Variants in NR3C2 observed in about 807,000 individuals in gnomAD.
NR3C2 encodes nuclear receptor subfamily 3 group C member 2.
Under a neutral mutation model 86.4 loss-of-function variants are expected in NR3C2, and 15 were observed. The observed-to-expected ratio is 0.17, with a 90% CI of 0.12 to 0.27. The LOEUF (loss-of-function observed/expected upper bound fraction) is 0.27, where lower values mean the gene tolerates loss of function less well. Among genes scored for constraint, NR3C2 ranks in the 10% least tolerant of loss-of-function variants. The pLI is 1.00. For missense variants in NR3C2, 960 were observed against 1,195.6 expected, an observed-to-expected ratio of 0.80 and a Z score of 2.91; for synonymous variants, 458 against 450.5, an observed-to-expected ratio of 1.02 and a Z score of -0.21.
intron 6 of NR3C2, among the ~76,000 whole-genome samples, chr4:148,136,077 CAAAAAAA>C (rs1213471911): frequency 1.0e-4 from 3 of 28,920 alleles, no homozygotes; most frequent in South Asian, 2.7e-3. Flanking sequence ...AAAAAAAAAA[CAAAAAAA>C]AAAAACACCA....
At chr4:148,313,722 T>C (rs895436466) in intron 2 of NR3C2, among the ~76,000 whole-genome samples, 9 of 152,200 alleles carry the variant, frequency 5.9e-5, no homozygotes, top group Admixed American at 2.0e-4. Context: ...CTTTATTTGC[T>C]TAGAAGTTTG....
At chr4:148,152,276 C>G (rs61757903) in intron 6 of NR3C2, 193 bp downstream of exon 6, 222 of 565,638 alleles carry the variant, frequency 3.9e-4, no homozygotes, top group African/African-American at 3.9e-3. Context: ...TTTATATACA[C>G]TCAGAAGCAT....
chr4:148,423,254 T>C (rs1369666283), intron 2 of NR3C2, among the ~76,000 whole-genome samples: 1 of 152,086 alleles, frequency 6.6e-6, no homozygotes, highest in African/African-American at 2.4e-5. Flanking sequence ...TAATGTGCTA[T>C]ATTAACAGTG....
At chr4:148,229,924 G>A (rs1738374664) in intron 3 of NR3C2, among the ~76,000 whole-genome samples, 1 of 152,012 alleles carries the variant, frequency 6.6e-6, no homozygotes, top group Non-Finnish European at 1.5e-5. Context: ...TATGTCCAGG[G>A]TGCTAACTCC....
At chr4:148,155,809 T>C (rs1258428101) in intron 4 of NR3C2, among the ~76,000 whole-genome samples, 6 of 152,036 alleles carry the variant, frequency 3.9e-5, no homozygotes, top group Admixed American at 3.9e-4. Flanking sequence ...GCCAAGTCAA[T>C]CCTAAGCCAA....
At chr4:148,104,349 T>G (rs1330886449) in intron 8 of NR3C2, among the ~76,000 whole-genome samples, 4 of 147,150 alleles carry the variant, frequency 2.7e-5, no homozygotes, top group Admixed American at 2.0e-4. Flanking sequence ...TTGGTTTTTT[T>G]TTTTTTTTTT....
chr4:148,247,954 A>T (rs1285245321), intron 3 of NR3C2, among the ~76,000 whole-genome samples: 2 of 152,194 alleles, frequency 1.3e-5, no homozygotes, highest in African/African-American at 4.8e-5. Flanking sequence ...CGGTTACATT[A>T]GGCAAAGGTC....
intron 2 of NR3C2, among the ~76,000 whole-genome samples, chr4:148,267,586 T>C (rs1258040299): frequency 1.3e-5 from 2 of 152,246 alleles, no homozygotes; most frequent in African/African-American, 4.8e-5. Flanking sequence ...CCATATTGTT[T>C]ACTGTATACA....
intron 6 of NR3C2, among the ~76,000 whole-genome samples, chr4:148,126,899 T>A (rs1426131302): frequency 6.6e-6 from 1 of 152,228 alleles, no homozygotes; most frequent in Admixed American, 6.5e-5. Context: ...GAAGCCAGGA[T>A]CCAAACCCAG....
intron 3 of NR3C2, among the ~76,000 whole-genome samples, chr4:148,253,737 C>A (rs2149863569): frequency 6.6e-6 from 1 of 152,160 alleles, no homozygotes; most frequent in South Asian, 2.1e-4. Context: ...GTTTTTTTCC[C>A]CCATAGCCAA....
intron 2 of NR3C2, among the ~76,000 whole-genome samples, chr4:148,430,011 G>C (rs962281757): frequency 6.6e-6 from 1 of 152,172 alleles, no homozygotes; most frequent in Non-Finnish European, 1.5e-5. Flanking sequence ...GAGAAGCAAA[G>C]TGTTGCTCCT....
chr4:148,392,790 T>G (rs1292498610), intron 2 of NR3C2, among the ~76,000 whole-genome samples: 1 of 152,236 alleles, frequency 6.6e-6, no homozygotes, highest in Non-Finnish European at 1.5e-5. Context: ...CATGTACATC[T>G]GCGAAAATAC....
rs764913075 is a variant in NR3C2, at chr4:148,154,917, A to C, written c.2015-16T>G. 6.5e-7 allele frequency: 1 copy of C among 1,538,276 alleles called. No individual in the cohort carries two copies. Among genetic ancestry groups the C allele is most frequent in the Admixed American group, 2.0e-5 (1 of 51,064 alleles). The stretch of plus-strand genomic sequence containing the variant: ...GACTTTCGTGCTATAAGAAACCATA[A>C]ATGATAAGGCCAAATTAAAATTATG... On this transcript the variant is annotated splice_polypyrimidine_tract_variant and intron_variant, in intron 4 of 8. Transcript: ENST00000358102.
At chr4:148,375,889 T>TCTA (rs1160766304) in intron 2 of NR3C2, among the ~76,000 whole-genome samples, 1 of 152,096 alleles carries the variant, frequency 6.6e-6, no homozygotes, top group Non-Finnish European at 1.5e-5. Context: ...ACCAAAGTAT[T>TCTA]CTAAGATCAC....
chr4:148,313,557 C>T (rs1314533554), intron 2 of NR3C2, among the ~76,000 whole-genome samples: 3 of 152,084 alleles, frequency 2.0e-5, no homozygotes, highest in African/African-American at 4.8e-5. Flanking sequence ...TATTATCGGT[C>T]GTGCTTTAAA....
At chr4:148,309,194 T>G (rs1742788112) in intron 2 of NR3C2, among the ~76,000 whole-genome samples, 1 of 152,038 alleles carries the variant, frequency 6.6e-6, no homozygotes, top group African/African-American at 2.4e-5. Flanking sequence ...GAAGAAAGAA[T>G]AAGAGATGGA....
At chr4:148,305,182 G>A (rs1742552384) in intron 2 of NR3C2, among the ~76,000 whole-genome samples, 1 of 152,060 alleles carries the variant, frequency 6.6e-6, no homozygotes, top group African/African-American at 2.4e-5. Flanking sequence ...TGAAAAGTAG[G>A]AAATCGTTCA....
chr4:148,110,229 T>C (rs1401706760), intron 8 of NR3C2, among the ~76,000 whole-genome samples: 1 of 152,222 alleles, frequency 6.6e-6, no homozygotes, highest in Admixed American at 6.5e-5. Context: ...CAACCTGTTC[T>C]TTCAGAGAAT....
chr4:148,340,841 T>C (rs1254498864), intron 2 of NR3C2, among the ~76,000 whole-genome samples: 1 of 152,078 alleles, frequency 6.6e-6, no homozygotes, highest in Non-Finnish European at 1.5e-5. Flanking sequence ...TCAGGAGACA[T>C]GGCCAACCAA....
Sources: gnomAD v4.1 joint callset for allele counts (sites outside exome capture counted in the v4.1 genomes callset) on GRCh38, gnomAD v4.1.1 for gene constraint, MANE v1.5 for transcripts, NCBI Gene and HGNC (gene_info 2026-07-23, HGNC 2026-07-21) for gene names.